The following NEGR1 variants were observed in gnomAD, a reference collection of about 807,000 sequenced individuals.
The protein encoded by NEGR1 is IgLON family member 4.
In NEGR1, 10 loss-of-function variants were observed where a neutral mutation model predicts 40.9. The ratio of observed to expected loss-of-function variants is 0.24; its 90% confidence interval spans 0.15 to 0.42. NEGR1 has a LOEUF of 0.42. NEGR1 is among the 10% of genes least tolerant of loss of function. NEGR1 has a pLI of 1.00. For synonymous variants in NEGR1, 185 were observed against 166.8 expected (o/e 1.11, Z -0.84); for missense variants, 352 against 438.9 (o/e 0.80, Z 1.77).
intron 4 of NEGR1, among the ~76,000 whole-genome samples, chr1:71,649,305 G>A (rs944329016): frequency 3.3e-5 from 5 of 151,980 alleles, no homozygotes; most frequent in African/African-American, 1.2e-4. Context: ...CATATCAGAA[G>A]GCTTAAAATG....
intron 6 of NEGR1, among the ~76,000 whole-genome samples, chr1:71,531,185 A>G (rs1252238215): frequency 6.6e-6 from 1 of 151,310 alleles, no homozygotes; most frequent in Non-Finnish European, 1.5e-5. Context: ...CCTATTCCCA[A>G]TAAAACCTTT....
chr1:72,059,066 C>G (rs566005488), intron 1 of NEGR1, among the ~76,000 whole-genome samples: 1 of 151,740 alleles, frequency 6.6e-6, no homozygotes, highest in South Asian at 2.1e-4. Flanking sequence ...GTCCCCAGAT[C>G]CACTGCAACA....
At chr1:72,148,079 C>T (rs1432215279) in intron 1 of NEGR1, among the ~76,000 whole-genome samples, 11 of 152,132 alleles carry the variant, frequency 7.2e-5, no homozygotes. Flanking sequence ...CTTCTCACAG[C>T]TCCACTAGGC....
intron 2 of NEGR1, among the ~76,000 whole-genome samples, chr1:71,833,108 A>C (rs1242438222): frequency 6.6e-6 from 1 of 152,030 alleles, no homozygotes; most frequent in African/African-American, 2.4e-5. Flanking sequence ...AATAAGGAAA[A>C]ATTACGTTTT....
chr1:71,467,035 G>A (rs1031822342), intron 6 of NEGR1, among the ~76,000 whole-genome samples: 2 of 152,060 alleles, frequency 1.3e-5, no homozygotes, highest in African/African-American at 4.8e-5. Context: ...ATGGCCAGAA[G>A]ATTTAGCCTC....
At chr1:71,580,621 A>G (rs1430978393) in intron 6 of NEGR1, among the ~76,000 whole-genome samples, 1 of 152,162 alleles carries the variant, frequency 6.6e-6, no homozygotes, top group East Asian at 1.9e-4. Flanking sequence ...AATAAAGTGA[A>G]GAAAATTATA....
At chr1:72,030,400 T>C (rs554509121) in intron 1 of NEGR1, among the ~76,000 whole-genome samples, 1 of 152,212 alleles carries the variant, frequency 6.6e-6, no homozygotes, top group East Asian at 1.9e-4. Context: ...TGAAGTACTA[T>C]TAACTGGGTG....
intron 3 of NEGR1, among the ~76,000 whole-genome samples, chr1:71,718,425 T>G (rs1275899758): frequency 6.6e-6 from 1 of 152,194 alleles, no homozygotes; most frequent in Non-Finnish European, 1.5e-5. Flanking sequence ...GCTGAGCAGA[T>G]GCCAGCAGCA....
intron 6 of NEGR1, among the ~76,000 whole-genome samples, chr1:71,454,581 C>T (rs1367486581): frequency 6.6e-6 from 1 of 152,110 alleles, no homozygotes; most frequent in African/African-American, 2.4e-5. Flanking sequence ...ACCTTCCACT[C>T]TTACAATGTG....
In NEGR1 at chr1:72,033,082, CAA is replaced by C. The variant is rs1646873357; in HGVS notation, c.177-97773_177-97772del. On this transcript the variant is annotated intron_variant, in intron 1 of 6. Transcript: ENST00000357731. Reference sequence around the variant, plus strand: ...GTAATTAAATTGTTACTCACAGAATCAAAATTTTCTACTAGAAAAGTCCAAAT... The same window carrying C: ...GTAATTAAATTGTTACTCACAGAATCAATTTTCTACTAGAAAAGTCCAAAT... 7.9e-5 allele frequency among the ~76,000 whole-genome samples: 12 copies of C among 152,080 alleles called. No homozygotes were observed. The South Asian group carries it at 2.5e-3, about 32-fold the overall frequency.
chr1:72,097,190 T>C (rs371840074), intron 1 of NEGR1, among the ~76,000 whole-genome samples: 6 of 152,204 alleles, frequency 3.9e-5, no homozygotes, highest in African/African-American at 1.4e-4. Context: ...TGAAACCCAC[T>C]GCCACCACCA....
intron 2 of NEGR1, among the ~76,000 whole-genome samples, chr1:71,933,284 G>A (rs943397714): frequency 3.3e-5 from 5 of 151,970 alleles, no homozygotes; most frequent in African/African-American, 9.7e-5. Flanking sequence ...AATTAAACAT[G>A]TACCTAGGCT....
At chr1:71,678,982 T>C (rs1422351654) in intron 4 of NEGR1, among the ~76,000 whole-genome samples, 1 of 152,132 alleles carries the variant, frequency 6.6e-6, no homozygotes, top group East Asian at 1.9e-4. Context: ...TGAAGATGTT[T>C]AAGCAGGACA....
rs559848677 is a variant in NEGR1, at chr1:72,261,775, T to C, written c.176+20544A>G. Among the ~76,000 whole-genome samples the C allele has an allele frequency of 4.6e-5, 7 of 152,136 alleles. No individual in the cohort carries two copies. The South Asian group carries it at 1.2e-3, about 27-fold the overall frequency. On this transcript the variant is annotated intron_variant, in intron 1 of 6. Coordinates refer to ENST00000357731, the MANE Select transcript of NEGR1 (RefSeq NM_173808.3). ...AATAATTCAGAAACAGAAAGTTAAA[T>C]ACCACATGTTCTCACTTAGAAGTGA...
At chr1:72,135,492 TC>T (rs1199265640) in intron 1 of NEGR1, among the ~76,000 whole-genome samples, 1 of 149,224 alleles carries the variant, frequency 6.7e-6, no homozygotes, top group Non-Finnish European at 1.5e-5. Context: ...GACAGTGATC[TC>T]TGGGAGATGG....
At chr1:71,862,837 A>G (rs1442611665) in intron 2 of NEGR1, among the ~76,000 whole-genome samples, 3 of 152,282 alleles carry the variant, frequency 2.0e-5, no homozygotes, top group East Asian at 3.9e-4. Flanking sequence ...GCCAACACAC[A>G]TATGAAAAGA....
chr1:71,484,311 T>C (rs1392085109), intron 6 of NEGR1, among the ~76,000 whole-genome samples: 1 of 151,502 alleles, frequency 6.6e-6, no homozygotes, highest in African/African-American at 2.4e-5. Context: ...TTTTTTTTCA[T>C]CTCCAGGGTC....
At chr1:71,485,894 A>G (rs985427770) in intron 6 of NEGR1, among the ~76,000 whole-genome samples, 5 of 151,736 alleles carry the variant, frequency 3.3e-5, no homozygotes, top group African/African-American at 9.7e-5. Flanking sequence ...AAGCTACTAT[A>G]AACATATGTG....
chr1:71,431,307 G>GAA (rs1569862627), intron 6 of NEGR1, among the ~76,000 whole-genome samples: 1 of 152,024 alleles, frequency 6.6e-6, no homozygotes, highest in East Asian at 1.9e-4. Flanking sequence ...AGTAAAACAT[G>GAA]GCTATAGCTC....
Sources: allele counts gnomAD v4.1 joint callset (sites outside exome capture counted in the v4.1 genomes callset), GRCh38; gene constraint gnomAD v4.1.1; transcripts MANE v1.5; gene names NCBI Gene and HGNC (gene_info 2026-07-23, HGNC 2026-07-21).